CAMK2B: variants seen among roughly 807,000 people sequenced by gnomAD.
CAMK2B encodes calcium/calmodulin-dependent protein kinase type II subunit beta.
Under a neutral mutation model 93.7 loss-of-function variants are expected in CAMK2B, and 27 were observed. That is an observed-to-expected ratio of 0.29 (90% CI 0.21 to 0.40). CAMK2B has a LOEUF of 0.40. CAMK2B is among the 10% of genes least tolerant of loss of function. The pLI is 1.00. For missense variants in CAMK2B, 568 were observed against 895.8 expected, an observed-to-expected ratio of 0.63 and a Z score of 4.67; for synonymous variants, 374 against 358.8, an observed-to-expected ratio of 1.04 and a Z score of -0.48.
At chr7:44,223,560 C>G (rs1461907177) in intron 20 of CAMK2B, among the ~76,000 whole-genome samples, 1 of 149,878 alleles carries the variant, frequency 6.7e-6, no homozygotes, top group African/African-American at 2.5e-5. Context: ...TGCCCCTGGG[C>G]CCCAGGAAAG....
intron 1 of CAMK2B, among the ~76,000 whole-genome samples, chr7:44,319,595 CCCACCT>C (rs1308132142): frequency 6.6e-6 from 1 of 152,142 alleles, no homozygotes; most frequent in Admixed American, 6.5e-5. Flanking sequence ...TCCACTTGCA[CCCACCT>C]CCACAGGCCC....
At chr7:44,261,486 TC>T (rs967597838) in intron 3 of CAMK2B, among the ~76,000 whole-genome samples, 90 of 152,124 alleles carry the variant, frequency 5.9e-4, no homozygotes, top group African/African-American at 2.1e-3. Context: ...GGCACCCACC[TC>T]CCCATGCAGG....
chr7:44,226,660 C>T lies in CAMK2B; in HGVS notation c.1469-16G>A, dbSNP rs746778591. ...ATCCTGGGGGCTGGGGCGGAACAGA[C>T]GAGACGTGAACACAAGGCAGGCACG... On this transcript the variant is annotated splice_polypyrimidine_tract_variant and intron_variant, in intron 19 of 23. Transcript: ENST00000395749. 198 of 1,525,552 alleles carry T rather than the reference C, an allele frequency of 1.3e-4. 1 individual carries two copies. The highest frequency in any genetic ancestry group is 8.2e-4 in the Admixed American group (35 of 42,768). The allele number at this position is 1,525,552 out of a possible 1,614,324, so 94.5% of individuals were successfully genotyped here.
At chr7:44,295,343 A>G (rs12216634) in intron 1 of CAMK2B, among the ~76,000 whole-genome samples, 44,960 of 152,244 alleles carry the variant, frequency 0.3, 8,208 homozygotes, top group Non-Finnish European at 0.41. Context: ...TCTTAGATCC[A>G]TCAGAGAACT....
At chr7:44,220,382 C>G (rs2096385612) in intron 22 of CAMK2B, 88 bp from the exon 23 acceptor site, 1 of 1,082,930 alleles carries the variant, frequency 9.2e-7, no homozygotes, top group South Asian at 1.5e-5. Flanking sequence ...TCCTTTCCCT[C>G]TCTCAACTCC....
In CAMK2B at chr7:44,217,891, T is replaced by C. The variant is rs2096359032; in HGVS notation, c.*1634A>G. 6.6e-6 allele frequency: 1 copy of C among 151,936 alleles called. No homozygotes were observed. Among genetic ancestry groups the C allele is most frequent in the South Asian group, 2.1e-4 (1 of 4,806 alleles). 9.4% of individuals were successfully genotyped at this position (151,936 alleles called of 1,614,324 possible). ...TCAGACCCACCCTGCAGCCCCACCA[T>C]GCTCGGGCTTGCCCTGTCCCCGAGC... is the stretch of plus-strand genomic sequence containing the variant. On this transcript the variant is annotated 3_prime_UTR_variant, in exon 24 of 24. Coordinates refer to ENST00000395749, the MANE Select transcript of CAMK2B (RefSeq NM_001220.5).
Position 44,248,773 on chromosome 7 carries a change from T to C in CAMK2B, c.342-1581A>G, listed in dbSNP as rs1453249654. ...CAGCCATTGCATTAAAAAGTGAATC[T>C]GAGTTTCCTCCTGAAGAAATCCAGC... On this transcript the variant is annotated intron_variant, in intron 5 of 23. Coordinates refer to ENST00000395749, the MANE Select transcript of CAMK2B (RefSeq NM_001220.5). The surrounding 1 kb of genome is among the most constrained non-coding windows in gnomAD (Gnocchi z 4.1). Among the ~76,000 whole-genome samples the C allele has an allele frequency of 6.6e-6, 1 of 152,206 alleles. No homozygotes were observed. Among genetic ancestry groups the C allele is most frequent in the African/African-American group, 2.4e-5 (1 of 41,450 alleles).
intron 1 of CAMK2B, among the ~76,000 whole-genome samples, chr7:44,290,026 G>T (rs1038915616): frequency 6.6e-6 from 1 of 152,158 alleles, no homozygotes; most frequent in African/African-American, 2.4e-5. Context: ...CTCACCGGTC[G>T]GTTGCAGTTC....
Position 44,248,995 on chromosome 7 carries a change from C to T in CAMK2B, c.342-1803G>A, listed in dbSNP as rs971395960. 1.2e-4 allele frequency among the ~76,000 whole-genome samples: 18 copies of T among 152,228 alleles called. No individual in the cohort carries two copies. Among genetic ancestry groups the T allele is most frequent in the Middle Eastern group, 3.4e-3 (1 of 294 alleles). On this transcript the variant is annotated intron_variant, in intron 5 of 23. Coordinates refer to ENST00000395749, the MANE Select transcript of CAMK2B (RefSeq NM_001220.5). This position sits in a 1 kb window ranked among gnomAD's most constrained non-coding sequence, Gnocchi z 4.1. ...TCCCCATGTGCCCTGGGGTGTCCTG[C>T]CCATTTGTTGAAACATCCTCCCTTC... is the stretch of plus-strand genomic sequence containing the variant.
intron 1 of CAMK2B, among the ~76,000 whole-genome samples, chr7:44,307,849 C>T (rs1792342913): frequency 6.6e-6 from 1 of 152,100 alleles, no homozygotes; most frequent in Admixed American, 6.5e-5. Flanking sequence ...TGCTGTCATC[C>T]GTACTTCAAC....
chr7:44,322,133 A>G (rs895914716), intron 1 of CAMK2B, among the ~76,000 whole-genome samples: 2 of 152,270 alleles, frequency 1.3e-5, no homozygotes, highest in African/African-American at 4.8e-5. Context: ...CAGTGTTCAC[A>G]CTACAGGTCG....
intron 5 of CAMK2B, 78 bp from the exon 6 acceptor site, chr7:44,247,270 G>T (rs751919478): frequency 8.3e-7 from 1 of 1,204,604 alleles, no homozygotes; most frequent in East Asian, 2.4e-5. Flanking sequence ...AGGGGCAATG[G>T]TGCTGTGTGG....
At chr7:44,220,416 C>G (rs997443799) in intron 22 of CAMK2B, 122 bp from the exon 23 acceptor site, 1 of 907,894 alleles carries the variant, frequency 1.1e-6, no homozygotes, top group African/African-American at 1.7e-5. Context: ...GCTCGGCTCT[C>G]CTGGGAGCAG....
intron 3 of CAMK2B, 141 bp from the exon 4 acceptor site, chr7:44,259,067 G>T: frequency 1.3e-6 from 1 of 768,832 alleles, no homozygotes; most frequent in Non-Finnish European, 2.2e-6. Context: ...GGCCCGGGTG[G>T]GCAGGCCAGA....
At chr7:44,260,010 C>G (rs1232712881) in intron 3 of CAMK2B, among the ~76,000 whole-genome samples, 1 of 152,200 alleles carries the variant, frequency 6.6e-6, no homozygotes, top group Non-Finnish European at 1.5e-5. Context: ...GTGGACTCAG[C>G]GGGCAGTCTG....
At chr7:44,299,420 G>A (rs918832181) in intron 1 of CAMK2B, among the ~76,000 whole-genome samples, 2 of 152,194 alleles carry the variant, frequency 1.3e-5, no homozygotes, top group South Asian at 4.1e-4. Flanking sequence ...CAGAGTTTCA[G>A]TTGGGGAAGA....
chr7:44,264,454 C>T (rs931897447), intron 2 of CAMK2B, among the ~76,000 whole-genome samples: 3 of 152,146 alleles, frequency 2.0e-5, no homozygotes, highest in African/African-American at 7.2e-5. Context: ...GCGGCATCCC[C>T]TGGCTCCCCC....
chr7:44,290,193 A>C (rs756600769), intron 1 of CAMK2B, among the ~76,000 whole-genome samples: 40 of 152,336 alleles, frequency 2.6e-4, no homozygotes, highest in Non-Finnish European at 4.1e-4. Flanking sequence ...GAAGTTCTTA[A>C]ATTTTAGAAT....
intron 2 of CAMK2B, among the ~76,000 whole-genome samples, chr7:44,269,643 C>T (rs1348465841): frequency 6.6e-6 from 1 of 152,154 alleles, no homozygotes; most frequent in Admixed American, 6.5e-5. Context: ...CCAGGAGAAA[C>T]AGCAGAGCTG....
Sources: allele counts gnomAD v4.1 joint callset (sites outside exome capture counted in the v4.1 genomes callset), GRCh38; gene constraint gnomAD v4.1.1; non-coding constraint Gnocchi (gnomAD v3.1); transcripts MANE v1.5; gene names NCBI Gene and HGNC (gene_info 2026-07-23, HGNC 2026-07-21).